The following JMJD1C variants were observed in gnomAD, a reference collection of about 807,000 sequenced individuals.
The protein encoded by JMJD1C is jumonji domain containing 1C.
JMJD1C carries 31 observed loss-of-function variants against 245.3 expected under a neutral mutation model. The observed-to-expected ratio is 0.13, with a 90% CI of 0.09 to 0.17. The LOEUF (loss-of-function observed/expected upper bound fraction) is 0.17. JMJD1C is among the 10% of genes least tolerant of loss of function. JMJD1C has a pLI of 1.00. For missense variants in JMJD1C, 2,691 were observed against 3,000.2 expected (o/e 0.90, Z 2.41); for synonymous variants, 1,057 against 1,017.4 (o/e 1.04, Z -0.74).
intron 12 of JMJD1C, 63 bp downstream of exon 12, chr10:63,198,450 T>G: frequency 9.7e-7 from 1 of 1,032,034 alleles, no homozygotes; most frequent in South Asian, 1.6e-5. Flanking sequence ...TTCACAAACA[T>G]AATTCAAAGA....
At chr10:63,485,827 G>T (rs1953975412) in intron 1 of JMJD1C, among the ~76,000 whole-genome samples, 1 of 152,112 alleles carries the variant, frequency 6.6e-6, no homozygotes. Context: ...CCTACTGTAT[G>T]CCAGGTACTG....
At chr10:63,412,398 A>G (rs1049781494) in intron 1 of JMJD1C, among the ~76,000 whole-genome samples, 4 of 152,212 alleles carry the variant, frequency 2.6e-5, no homozygotes, top group Non-Finnish European at 4.4e-5. Context: ...AGATTGCACT[A>G]AACAACATTA....
rs59676296 is a variant in JMJD1C at position 63,278,345 on chromosome 10, GAATAATAAT to G, written c.334-13590_334-13582del. Among the ~76,000 whole-genome samples the G allele has an allele frequency of 6.4e-3, 918 of 142,946 alleles. 11 individuals are homozygous for G. The highest frequency in any genetic ancestry group is 0.021 in the African/African-American group (835 of 39,076). 93.8% of individuals were successfully genotyped at this position (142,946 alleles called of 152,430 possible). A position where few individuals can be genotyped will look rare whatever the true frequency, so the allele number is the denominator to read the frequency against. On this transcript the variant is annotated intron_variant, in intron 2 of 25. Transcript: ENST00000399262. ...TACTAAAAATACAACAATTAAAAGA[GAATAATAAT>G]AATAATAATAATAATAATAAAATTA...
chr10:63,260,541 T>C (rs922877755), intron 3 of JMJD1C, among the ~76,000 whole-genome samples: 1 of 151,730 alleles, frequency 6.6e-6, no homozygotes, highest in African/African-American at 2.4e-5. Context: ...TCTATAATCA[T>C]ACTCCAAAGT....
intron 1 of JMJD1C, among the ~76,000 whole-genome samples, chr10:63,388,406 G>C (rs943039838): frequency 6.6e-6 from 1 of 150,442 alleles, no homozygotes; most frequent in Non-Finnish European, 1.5e-5. Flanking sequence ...TAAATGATGG[G>C]GAAATAAAGT....
At chr10:63,303,661 A>G (rs1198328162) in intron 2 of JMJD1C, among the ~76,000 whole-genome samples, 1 of 152,208 alleles carries the variant, frequency 6.6e-6, no homozygotes, top group Non-Finnish European at 1.5e-5. Flanking sequence ...TATAACGTAC[A>G]TATGTGATTC....
chr10:63,298,974 G>A (rs1311715450), intron 2 of JMJD1C, among the ~76,000 whole-genome samples: 8 of 151,912 alleles, frequency 5.3e-5, no homozygotes, highest in Admixed American at 2.0e-4. Flanking sequence ...CAGGTGATCC[G>A]CCCACCTCAG....
At chr10:63,494,286 G>A (rs1293837532) in intron 1 of JMJD1C, among the ~76,000 whole-genome samples, 2 of 151,692 alleles carry the variant, frequency 1.3e-5, no homozygotes, top group East Asian at 1.9e-4. Context: ...ACTCCAGCCT[G>A]GGCAACATAA....
At chr10:63,494,502 T>A (rs1362680884) in intron 1 of JMJD1C, among the ~76,000 whole-genome samples, 1 of 152,090 alleles carries the variant, frequency 6.6e-6, no homozygotes. Flanking sequence ...AATTAGAACA[T>A]GGTAATAAAT....
At chr10:63,500,704 C>T (rs549979901) in intron 1 of JMJD1C, among the ~76,000 whole-genome samples, 1 of 150,288 alleles carries the variant, frequency 6.7e-6, no homozygotes, top group Non-Finnish European at 1.5e-5. Context: ...TGAGCCTGGG[C>T]AACAGAGCAA....
At chr10:63,486,641 A>C (rs114874484) in intron 1 of JMJD1C, among the ~76,000 whole-genome samples, 4 of 152,250 alleles carry the variant, frequency 2.6e-5, no homozygotes, top group Non-Finnish European at 5.9e-5. Flanking sequence ...CCTTAACTGC[A>C]TATCACCCTG....
intron 2 of JMJD1C, chr10:63,269,275 T>G (rs2133819691): frequency 1.1e-6 from 1 of 888,644 alleles, no homozygotes; most frequent in Non-Finnish European, 1.3e-6. Context: ...CTCTGTAAAC[T>G]GTAACTAATC....
At chr10:63,337,992 A>C (rs1943009418) in intron 2 of JMJD1C, among the ~76,000 whole-genome samples, 2 of 152,248 alleles carry the variant, frequency 1.3e-5, no homozygotes, top group Non-Finnish European at 2.9e-5. Flanking sequence ...CAAGCTCATA[A>C]TCTTCATAAA....
intron 2 of JMJD1C, among the ~76,000 whole-genome samples, chr10:63,302,822 A>G (rs1860262264): frequency 6.6e-6 from 1 of 152,256 alleles, no homozygotes; most frequent in African/African-American, 2.4e-5. Flanking sequence ...AGTAGATTCA[A>G]GTCACAATCA....
intron 1 of JMJD1C, among the ~76,000 whole-genome samples, chr10:63,418,221 T>TA (rs2132715183): frequency 6.6e-6 from 1 of 152,300 alleles, no homozygotes; most frequent in African/African-American, 2.4e-5. Context: ...CAGGATCAGA[T>TA]AATTTGCATT....
At chr10:63,337,618 G>GAAAAGAAAAGA (rs1942948197) in intron 2 of JMJD1C, among the ~76,000 whole-genome samples, 1 of 77,644 alleles carries the variant, frequency 1.3e-5, no homozygotes, top group African/African-American at 9.8e-5. Flanking sequence ...GAAAAGAAAA[G>GAAAAGAAAAGA]AAAAGAAAAA....
In JMJD1C at chr10:63,479,373, T is replaced by C. The variant is rs116411443; in HGVS notation, n.113+42365A>G. 6.0e-3 allele frequency among the ~76,000 whole-genome samples: 916 copies of C among 152,134 alleles called. 3 individuals are homozygous for C. The highest frequency in any genetic ancestry group is 0.011 in the Admixed American group (163 of 15,266). On this transcript the variant is annotated intron_variant and non_coding_transcript_variant, in intron 1 of 3. Coordinates refer to the JMJD1C transcript ENST00000633035. ...AAGTATCATTATCCATTAAAGACTT[T>C]TCTTTAAAGTAACCCTACAATACCA... is the stretch of plus-strand genomic sequence containing the variant.
chr10:63,487,367 C>T (rs1954032368), intron 1 of JMJD1C, among the ~76,000 whole-genome samples: 1 of 152,168 alleles, frequency 6.6e-6, no homozygotes, highest in East Asian at 1.9e-4. Context: ...ACAATTTTCT[C>T]CCCTTGGGAC....
chr10:63,427,155 A>C (rs904443981), intron 1 of JMJD1C: 1 of 154,626 alleles, frequency 6.5e-6, no homozygotes, highest in African/African-American at 2.5e-5. Context: ...CGGTGGCGGC[A>C]GCAGCTGCTT....
Sources: gnomAD v4.1 joint callset for allele counts (sites outside exome capture counted in the v4.1 genomes callset) on GRCh38, gnomAD v4.1.1 for gene constraint, MANE v1.5 for transcripts, NCBI Gene and HGNC (gene_info 2026-07-23, HGNC 2026-07-21) for gene names.